The following GRID2 variants were observed in gnomAD, a reference collection of about 807,000 sequenced individuals.
GRID2 encodes glutamate ionotropic receptor delta type subunit 2, also known as glutamate receptor ionotropic, delta-2.
Under a neutral mutation model 114.8 loss-of-function variants are expected in GRID2, and 33 were observed. The observed-to-expected ratio is 0.29, with a 90% CI of 0.22 to 0.38. The LOEUF (loss-of-function observed/expected upper bound fraction) is 0.38, where lower values mean the gene tolerates loss of function less well. GRID2 is among the 10% of genes least tolerant of loss of function. The pLI is 1.00. For synonymous variants in GRID2, 505 were observed against 449.9 expected, an observed-to-expected ratio of 1.12 and a Z score of -1.55; for missense variants, 1,184 against 1,257.7, an observed-to-expected ratio of 0.94 and a Z score of 0.89.
chr4:93,239,975 A>G (rs1279658390), intron 8 of GRID2, among the ~76,000 whole-genome samples: 1 of 151,538 alleles, frequency 6.6e-6, no homozygotes, highest in African/African-American at 2.4e-5. Flanking sequence ...TTGTTGTTAC[A>G]TGGAGTGGCA....
intron 9 of GRID2, among the ~76,000 whole-genome samples, chr4:93,404,309 T>G (rs1419666575): frequency 6.6e-6 from 1 of 152,160 alleles, no homozygotes; most frequent in Non-Finnish European, 1.5e-5. Flanking sequence ...TAAAACTGAC[T>G]GCAATGATGA....
chr4:93,434,962 AT>A (rs778110387), intron 10 of GRID2, among the ~76,000 whole-genome samples: 17 of 149,360 alleles, frequency 1.1e-4, no homozygotes, highest in East Asian at 2.0e-4. Context: ...TGTCCACCTC[AT>A]TTTTTTTTCA....
intron 14 of GRID2, among the ~76,000 whole-genome samples, chr4:93,700,166 TCTC>T (rs1394972551): frequency 6.6e-6 from 1 of 152,134 alleles, no homozygotes; most frequent in African/African-American, 2.4e-5. Context: ...TACTTTCAAA[TCTC>T]CTGCTAAGTG....
intron 8 of GRID2, among the ~76,000 whole-genome samples, chr4:93,381,416 A>C (rs1025367626): frequency 6.6e-6 from 1 of 152,118 alleles, no homozygotes; most frequent in African/African-American, 2.4e-5. Context: ...TGTAAGGCTG[A>C]CTGATAAGGA....
At chr4:92,443,562 C>T (rs536886455) in intron 1 of GRID2, among the ~76,000 whole-genome samples, 5 of 151,760 alleles carry the variant, frequency 3.3e-5, no homozygotes, top group South Asian at 2.1e-4. Flanking sequence ...GAGGTCGGGA[C>T]GTGGAAATAA....
chr4:93,072,580 C>T (rs1266701416), intron 2 of GRID2, among the ~76,000 whole-genome samples: 1 of 151,558 alleles, frequency 6.6e-6, no homozygotes. Context: ...GGAGTTTGAA[C>T]TCTGCAGGCC....
At chr4:93,067,031 G>C (rs779744766) in intron 2 of GRID2, among the ~76,000 whole-genome samples, 78 of 151,942 alleles carry the variant, frequency 5.1e-4, no homozygotes, top group Admixed American at 7.9e-4. Flanking sequence ...TAAAGCTTAT[G>C]AATTGCTTAT....
At chr4:92,753,112 T>C (rs1353326797) in intron 2 of GRID2, among the ~76,000 whole-genome samples, 1 of 152,182 alleles carries the variant, frequency 6.6e-6, no homozygotes, top group Non-Finnish European at 1.5e-5. Context: ...ATGTAAGTAA[T>C]ACACACATTT....
intron 8 of GRID2, among the ~76,000 whole-genome samples, chr4:93,269,841 A>G (rs1252763553): frequency 2.0e-5 from 3 of 152,136 alleles, no homozygotes; most frequent in Admixed American, 6.5e-5. Flanking sequence ...ACATCCTAGG[A>G]TGCCTTTTGG....
intron 1 of GRID2, among the ~76,000 whole-genome samples, chr4:92,433,659 G>A (rs182600682): frequency 1.1e-3 from 160 of 152,246 alleles, no homozygotes; most frequent in African/African-American, 3.5e-3. Context: ...CAGTGCCTCT[G>A]TCCTCAATAT....
chr4:92,863,969 A>C (rs984863666), intron 2 of GRID2, among the ~76,000 whole-genome samples: 12 of 152,318 alleles, frequency 7.9e-5, no homozygotes, highest in African/African-American at 2.6e-4. Flanking sequence ...AGATGGTTAC[A>C]ATTAAGACTA....
At chr4:93,614,063 T>C (rs1454881816) in intron 13 of GRID2, among the ~76,000 whole-genome samples, 1 of 151,728 alleles carries the variant, frequency 6.6e-6, no homozygotes, top group East Asian at 2.0e-4. Context: ...CGGGTGGGAG[T>C]GACCCGATTT....
At chr4:92,951,453 AT>A (rs1408685086) in intron 2 of GRID2, among the ~76,000 whole-genome samples, 5 of 151,930 alleles carry the variant, frequency 3.3e-5, no homozygotes, top group African/African-American at 1.2e-4. Flanking sequence ...CAATTCTCTC[AT>A]CTCAGCCTCC....
intron 1 of GRID2, among the ~76,000 whole-genome samples, chr4:92,442,772 T>A (rs1203252364): frequency 1.3e-5 from 2 of 152,114 alleles, no homozygotes; most frequent in Admixed American, 1.3e-4. Flanking sequence ...TTTTTATATT[T>A]GATGAAAAAG....
At chr4:93,740,594 T>C (rs909648178) in intron 14 of GRID2, among the ~76,000 whole-genome samples, 1 of 152,194 alleles carries the variant, frequency 6.6e-6, no homozygotes, top group African/African-American at 2.4e-5. Context: ...CTCAGATCTT[T>C]TGAGACATAA....
chr4:93,216,944 G>T, intron 6 of GRID2, 33 bp downstream of exon 6: 1 of 1,528,934 alleles, frequency 6.5e-7, no homozygotes, highest in Non-Finnish European at 9.0e-7. Flanking sequence ...TTTCTTCCAG[G>T]GTGCTTTGTT....
Position 92,521,016 on chromosome 4 carries a change from T to C in GRID2, c.89-69115T>C, listed in dbSNP as rs112438946. Among the ~76,000 whole-genome samples the C allele has an allele frequency of 4.3e-3, 660 of 152,044 alleles. 2 individuals carry two copies. Among genetic ancestry groups the C allele is most frequent in the African/African-American group, 0.015 (642 of 41,538 alleles). ...ATTGAGTTATGAGCCATTATAACAA[T>C]TACCGTTCATAAGTAATAACAATTT... is the stretch of plus-strand genomic sequence containing the variant. On this transcript the variant is annotated intron_variant, in intron 1 of 15. Transcript: ENST00000282020.
downstream of GRID2, chr4:93,810,226 C>T (rs768496249): frequency 6.6e-6 from 1 of 152,150 alleles, no homozygotes; most frequent in Non-Finnish European, 1.5e-5. Context: ...CTTGGTATTA[C>T]TGATGTAGCT....
At chr4:92,924,204 A>G (rs1163000642) in intron 2 of GRID2, among the ~76,000 whole-genome samples, 1 of 152,084 alleles carries the variant, frequency 6.6e-6, no homozygotes, top group East Asian at 1.9e-4. Context: ...AACAATGACA[A>G]CACATGGACA....
Sources: allele counts gnomAD v4.1 joint callset (sites outside exome capture counted in the v4.1 genomes callset), GRCh38; gene constraint gnomAD v4.1.1; transcripts MANE v1.5; gene names NCBI Gene and HGNC (gene_info 2026-07-23, HGNC 2026-07-21).